NME7: variants seen among roughly 807,000 people sequenced by gnomAD.
NME7 encodes the protein nucleoside diphosphate kinase 7.
Under a neutral mutation model 49.1 loss-of-function variants are expected in NME7, and 41 were observed. The observed-to-expected ratio is 0.83, with a 90% confidence interval of 0.65 to 1.08. NME7 has a LOEUF of 1.08. Among genes scored for constraint, NME7 ranks in the 50% least tolerant of loss-of-function variants. The pLI is 0.00. For missense variants in NME7, 423 were observed against 463.4 expected (o/e 0.91, Z 0.80); for synonymous variants, 139 against 150.6 (o/e 0.92, Z 0.56).
chr1:169,190,902 T>C (rs529689787), intron 10 of NME7, among the ~76,000 whole-genome samples: 1,031 of 94,170 alleles, frequency 0.011, 190 homozygotes, highest in Admixed American at 0.033. Flanking sequence ...AAGCTCCGCC[T>C]CCCGGGTTCA....
chr1:169,221,614 G>A (rs1661141760), intron 10 of NME7, among the ~76,000 whole-genome samples: 1 of 151,628 alleles, frequency 6.6e-6, no homozygotes, highest in Non-Finnish European at 1.5e-5. Flanking sequence ...CAAATATATG[G>A]AAATATATTT....
chr1:169,331,675 A>T (rs376608676), intron 1 of NME7, among the ~76,000 whole-genome samples: 1 of 152,304 alleles, frequency 6.6e-6, no homozygotes, highest in East Asian at 1.9e-4. Flanking sequence ...GCCAACAGTG[A>T]ACAATCTTAA....
chr1:169,132,778 C>G lies in NME7; in HGVS notation c.*7G>C, dbSNP rs767490707. The G allele has an allele frequency of 6.2e-7, 1 of 1,612,540 alleles. No homozygotes were observed. The highest frequency in any genetic ancestry group is 2.2e-5 in the East Asian group (1 of 44,780). On this transcript the variant is annotated 3_prime_UTR_variant, in exon 12 of 12. Coordinates refer to ENST00000367811, the MANE Select transcript of NME7 (RefSeq NM_013330.5). ...CCCAACCTGTGACTTCTTTACTTTCCACACCACTAATTATCCAAGATCTTG... is the reference window on the plus strand; with the variant it reads ...CCCAACCTGTGACTTCTTTACTTTCGACACCACTAATTATCCAAGATCTTG...
At chr1:169,319,180 A>G (rs1651765042) in intron 3 of NME7, among the ~76,000 whole-genome samples, 1 of 152,064 alleles carries the variant, frequency 6.6e-6, no homozygotes, top group Admixed American at 6.5e-5. Flanking sequence ...AGTTGTTTCA[A>G]ACTTGATATA....
intron 10 of NME7, among the ~76,000 whole-genome samples, chr1:169,173,307 AT>A (rs2101737071): frequency 6.6e-6 from 1 of 152,342 alleles, no homozygotes; most frequent in East Asian, 1.9e-4. Context: ...TTAAATAAAT[AT>A]ATAACATCTC....
At chr1:169,213,754 C>T (rs894626959) in intron 10 of NME7, among the ~76,000 whole-genome samples, 1 of 151,868 alleles carries the variant, frequency 6.6e-6, no homozygotes, top group Non-Finnish European at 1.5e-5. Flanking sequence ...GAGACCCATC[C>T]TGGTCAGACA....
chr1:169,354,901 A>G (rs932177661), intron 1 of NME7, among the ~76,000 whole-genome samples: 4 of 120,810 alleles, frequency 3.3e-5, no homozygotes. Flanking sequence ...AATATAATAT[A>G]AAATAAATAT....
In NME7 at chr1:169,152,794, T is replaced by C. The variant is rs552876613; in HGVS notation, c.1098+16653A>G. Among the ~76,000 whole-genome samples the C allele has an allele frequency of 3.9e-5, 6 of 152,270 alleles. No homozygotes were observed. The South Asian group carries it at 1.0e-3, about 26-fold the overall frequency. ...CCATTACTCCTATTATCTACTCACC[T>C]TAAACTCTGCTGCTTGGTTAAAGTT... On this transcript the variant is annotated intron_variant, in intron 11 of 11. Transcript: ENST00000367811.
intron 1 of NME7, among the ~76,000 whole-genome samples, chr1:169,333,618 AT>A (rs1326786886): frequency 2.0e-5 from 3 of 152,104 alleles, no homozygotes; most frequent in Non-Finnish European, 4.4e-5. Context: ...AAATATATAT[AT>A]CTACTATGTA....
chr1:169,194,323 C>G (rs1342743227), intron 10 of NME7, among the ~76,000 whole-genome samples: 1 of 152,086 alleles, frequency 6.6e-6, no homozygotes, highest in Non-Finnish European at 1.5e-5. Context: ...GCCCACTGGT[C>G]TGGACTGAAC....
At chr1:169,293,392 A>G (rs1193725907) in intron 6 of NME7, among the ~76,000 whole-genome samples, 2 of 152,112 alleles carry the variant, frequency 1.3e-5, no homozygotes, top group African/African-American at 2.4e-5. Flanking sequence ...CTAGATAGAA[A>G]CTTAAGAAGT....
rs980340274 is a variant in NME7 at position 169,258,930 on chromosome 1, G to A, written c.755-21243C>T. Among the ~76,000 whole-genome samples the A allele has an allele frequency of 1.5e-3, 193 of 132,970 alleles. 16 individuals are homozygous for A. The highest frequency in any genetic ancestry group is 4.6e-3 in the African/African-American group (182 of 39,396). The allele number at this position is 132,970 out of a possible 152,430, so 87.2% of individuals were successfully genotyped here. A position where few individuals can be genotyped will look rare whatever the true frequency, so the allele number is the denominator to read the frequency against. On this transcript the variant is annotated intron_variant, in intron 7 of 11. Transcript: ENST00000367811. Reference sequence around the variant, plus strand: ...TCAGATACTTTGGAGTCAGGGCCCAGGAATCTATATTTAATCCAAGTGATC... The same window carrying A: ...TCAGATACTTTGGAGTCAGGGCCCAAGAATCTATATTTAATCCAAGTGATC...
intron 11 of NME7, among the ~76,000 whole-genome samples, chr1:169,138,507 C>T (rs1191055552): frequency 2.0e-5 from 3 of 151,840 alleles, no homozygotes; most frequent in South Asian, 4.2e-4. Flanking sequence ...CCCAGGAGTT[C>T]GAAACTAGCC....
intron 10 of NME7, among the ~76,000 whole-genome samples, chr1:169,228,910 C>G (rs1209029109): frequency 2.0e-5 from 3 of 152,124 alleles, no homozygotes; most frequent in African/African-American, 7.2e-5. Flanking sequence ...TCTATCACAA[C>G]CACATGTGTT....
At chr1:169,135,014 C>CAAAAAAAAAAAAAAAAAAAAAAAAAA (rs58463903) in intron 11 of NME7, among the ~76,000 whole-genome samples, 4 of 50,388 alleles carry the variant, frequency 7.9e-5, no homozygotes, top group African/African-American at 2.9e-4. Flanking sequence ...CCCGTCTCTA[C>CAAAAAAAAAAAAAAAAAAAAAAAAAA]AAAAAAAAAA....
chr1:169,271,567 C>A (rs1649492679), intron 7 of NME7, among the ~76,000 whole-genome samples: 1 of 132,984 alleles, frequency 7.5e-6, no homozygotes, highest in African/African-American at 2.5e-5. Flanking sequence ...TACCCCTGAA[C>A]TCTCCCTTGC....
At chr1:169,143,223 C>T (rs969909909) in intron 11 of NME7, among the ~76,000 whole-genome samples, 1 of 148,648 alleles carries the variant, frequency 6.7e-6, no homozygotes, top group Admixed American at 6.7e-5. Flanking sequence ...TTAAAATAGC[C>T]CACAAAGCCC....
chr1:169,321,028 A>G (rs1651834342), intron 3 of NME7, among the ~76,000 whole-genome samples: 1 of 152,196 alleles, frequency 6.6e-6, no homozygotes, highest in Non-Finnish European at 1.5e-5. Context: ...CATTCACTTC[A>G]GTCAAATCAT....
chr1:169,146,378 C>G (rs1658749396), intron 11 of NME7, among the ~76,000 whole-genome samples: 1 of 152,118 alleles, frequency 6.6e-6, no homozygotes, highest in Admixed American at 6.5e-5. Context: ...ATAAATTAAG[C>G]AAAAATGAAT....
Sources: allele counts gnomAD v4.1 joint callset (sites outside exome capture counted in the v4.1 genomes callset), GRCh38; gene constraint gnomAD v4.1.1; transcripts MANE v1.5; gene names NCBI Gene and HGNC (gene_info 2026-07-23, HGNC 2026-07-21).